The following SLC22A14 variants were observed in gnomAD, a reference collection of about 807,000 sequenced individuals.
SLC22A14 encodes organic cation transporter-like 4.
A neutral mutation model predicts 53.9 loss-of-function variants in SLC22A14; 50 were observed. The ratio of observed to expected loss-of-function variants is 0.93; its 90% CI spans 0.74 to 1.17. SLC22A14 has a LOEUF of 1.17. Among genes scored for constraint, SLC22A14 ranks in the 50% most tolerant of loss-of-function variants. The pLI is 0.00. For missense variants in SLC22A14, 671 were observed against 734.7 expected, an observed-to-expected ratio of 0.91 and a Z score of 1.00; for synonymous variants, 312 against 303.0, an observed-to-expected ratio of 1.03 and a Z score of -0.31.
At chr3:38,278,941 C>T (rs1177471593), upstream of SLC22A14, among the ~76,000 whole-genome samples, 3 of 152,002 alleles carry the variant, frequency 2.0e-5, no homozygotes, top group Admixed American at 2.0e-4. Context: ...CATTGTGTCA[C>T]CAAATGGTAG....
intron 7 of SLC22A14, 36 bp from the exon 8 acceptor site, chr3:38,313,691 C>CGCGCGCGCGCGTGT (rs770295334): frequency 4.4e-5 from 41 of 940,914 alleles, no homozygotes; most frequent in Admixed American, 5.3e-5. Context: ...TGTGTGCGCG[C>CGCGCGCGCGCGTGT]GTGTGCACGC....
In SLC22A14 at chr3:38,316,388, A is replaced by ATC. The variant is rs1704619702; in HGVS notation, c.1598_1599dup (p.Gln535AlafsTer15). 1 of 1,613,998 alleles carries ATC rather than the reference A, an allele frequency of 6.2e-7. No individual in the cohort carries two copies. Among genetic ancestry groups the ATC allele is most frequent in the African/African-American group, 1.3e-5 (1 of 74,898 alleles). ...TGGAGCCATCTTGTCCCTGACAATC[A>ATC]TCAGCCAGACCCCCTCCCTCCTGCC... On this transcript the variant is annotated frameshift_variant, in exon 10 of 11. Transcript: ENST00000448498. LOFTEE classifies it high-confidence loss of function.
intron 1 of SLC22A14, among the ~76,000 whole-genome samples, chr3:38,297,936 A>G (rs1704075892): frequency 1.3e-5 from 2 of 152,186 alleles, no homozygotes; most frequent in South Asian, 4.1e-4. Context: ...TCTTGCCTGT[A>G]ACAATTATAA....
intron 1 of SLC22A14, among the ~76,000 whole-genome samples, chr3:38,300,874 G>A (rs958047774): frequency 8.5e-5 from 13 of 152,122 alleles, no homozygotes; most frequent in Admixed American, 7.2e-4. Flanking sequence ...TAGAGATAAG[G>A]TCTTGCCCAC....
In SLC22A14 at chr3:38,308,960, AG is replaced by A. The variant is rs746899585; in HGVS notation, c.783del (p.Glu261AspfsTer3). 2 of 1,613,952 alleles carry A rather than the reference AG, an allele frequency of 1.2e-6. No individual in the cohort carries two copies. The highest frequency in any genetic ancestry group is 1.7e-6 in the Non-Finnish European group (2 of 1,179,870). ...YAISSISLAT[E>X]WLVGEHRAHA... ...CCTCTTGGCCTCTGCACAGCCACTG[AG>A]TGGTTAGTGGGTGAGCACCGGGCCC... On this transcript the variant is annotated frameshift_variant, in exon 5 of 11. Transcript: ENST00000448498. LOFTEE classifies it high-confidence loss of function.
chr3:38,301,850 G>A (rs1053951407), intron 1 of SLC22A14, among the ~76,000 whole-genome samples: 28 of 150,850 alleles, frequency 1.9e-4, no homozygotes, highest in Non-Finnish European at 3.1e-4. Context: ...TATCAAATGC[G>A]TTTTCTGCAT....
At chr3:38,312,869 C>T in intron 5 of SLC22A14, 130 bp from the exon 6 acceptor site, 5 of 1,231,014 alleles carry the variant, frequency 4.1e-6, no homozygotes, top group Non-Finnish European at 4.6e-6. Flanking sequence ...TCAGTGGTGG[C>T]CTTCAAGGCC....
chr3:38,293,016 A>G (rs2125875260), intron 1 of SLC22A14, among the ~76,000 whole-genome samples: 1 of 152,250 alleles, frequency 6.6e-6, no homozygotes, highest in Non-Finnish European at 1.5e-5. Flanking sequence ...TCCAGGAGAC[A>G]GTTAACCTCC....
chr3:38,287,622 TA>T (rs1270004077), intron 1 of SLC22A14, among the ~76,000 whole-genome samples: 1 of 152,226 alleles, frequency 6.6e-6, no homozygotes, highest in Non-Finnish European at 1.5e-5. Flanking sequence ...CATATAACTT[TA>T]TAATAAAGTT....
rs778458186 is a variant in SLC22A14, at chr3:38,318,298, C to T, written c.*49C>T. On this transcript the variant is annotated 3_prime_UTR_variant, in exon 11 of 11. Transcript: ENST00000448498. ...TCAATGCCCAGATCCTGAGATTGGA[C>T]CCATACCCTGTCTCCAACCCTGCCT... 7.2e-6 allele frequency: 11 copies of T among 1,519,082 alleles called. No homozygotes were observed. Among genetic ancestry groups the T allele is most frequent in the Non-Finnish European group, 1.0e-5 (11 of 1,093,282 alleles). 94.1% of individuals were successfully genotyped at this position (1,519,082 alleles called of 1,614,324 possible). A position where few individuals can be genotyped will look rare whatever the true frequency, so the allele number is the denominator to read the frequency against.
At chr3:38,299,885 A>G (rs1315352524) in intron 1 of SLC22A14, among the ~76,000 whole-genome samples, 1 of 152,212 alleles carries the variant, frequency 6.6e-6, no homozygotes, top group Non-Finnish European at 1.5e-5. Flanking sequence ...AGTGGCTATA[A>G]CACTGTTTAT....
In SLC22A14 at chr3:38,306,487, C is replaced by T; in HGVS notation, c.461C>T (p.Thr154Ile). The T allele has an allele frequency of 6.2e-7, 1 of 1,614,180 alleles. No homozygotes were observed. Among genetic ancestry groups the T allele is most frequent in the Non-Finnish European group, 8.5e-7 (1 of 1,179,998 alleles). ...IIQFGLNDTD[T>I]CQDGWIYPDA... Reference sequence around the variant, plus strand: ...CAGTTTGGCCTCAATGACACAGACACATGCCAAGATGGGTGGATCTATCCT... The same window carrying T: ...CAGTTTGGCCTCAATGACACAGACATATGCCAAGATGGGTGGATCTATCCT... The change falls in exon 2 of 11, where the codon ACA (threonine) becomes ATA (isoleucine). Residue 154 changes from threonine (T) to isoleucine (I), a missense_variant. Physicochemically the swap from Thr to Ile is moderately conservative, Grantham distance 89 (BLOSUM62 -1). Transcript: ENST00000448498.
chr3:38,287,386 A>G (rs1045791417), intron 1 of SLC22A14, among the ~76,000 whole-genome samples: 2 of 152,170 alleles, frequency 1.3e-5, no homozygotes, highest in African/African-American at 4.8e-5. Context: ...TGAAAGTCAG[A>G]AATAGATTCC....
chr3:38,286,479 A>G (rs948941904), intron 1 of SLC22A14, among the ~76,000 whole-genome samples: 2 of 149,510 alleles, frequency 1.3e-5, no homozygotes, highest in African/African-American at 4.9e-5. Flanking sequence ...CAGTGGCACC[A>G]CCTCAGCTCA....
At chr3:38,292,922 T>A (rs1398698757) in intron 1 of SLC22A14, among the ~76,000 whole-genome samples, 1 of 152,182 alleles carries the variant, frequency 6.6e-6, no homozygotes, top group Non-Finnish European at 1.5e-5. Context: ...AGTGACTGGC[T>A]GTCCTAGGAG....
intron 1 of SLC22A14, among the ~76,000 whole-genome samples, chr3:38,291,972 A>G (rs1703922873): frequency 6.6e-6 from 1 of 152,214 alleles, no homozygotes; most frequent in Non-Finnish European, 1.5e-5. Context: ...TGTAGGCTGG[A>G]TACATTCTTC....
rs1575426718 is a variant in SLC22A14, at chr3:38,316,310, A to C, written c.1533-14A>C. ...CGGCAGACCCCTCACAGGAGCTCTC[A>C]CCTCCACTTTCAGGGCGACAGGTCT... On this transcript the variant is annotated splice_polypyrimidine_tract_variant and intron_variant, in intron 9 of 10. Coordinates refer to ENST00000448498, the MANE Select transcript of SLC22A14 (RefSeq NM_001320033.2). 1 of 1,612,748 alleles carries C rather than the reference A, an allele frequency of 6.2e-7. No homozygotes were observed. The highest frequency in any genetic ancestry group is 8.5e-7 in the Non-Finnish European group (1 of 1,179,562).
chr3:38,281,724 GC>G (rs746651073), upstream of SLC22A14, among the ~76,000 whole-genome samples: 139 of 151,944 alleles, frequency 9.1e-4, no homozygotes, highest in Non-Finnish European at 1.8e-3. Context: ...CAAATATTAA[GC>G]CATAGCAATG....
intron 1 of SLC22A14, among the ~76,000 whole-genome samples, chr3:38,301,632 T>C (rs894525139): frequency 6.6e-6 from 1 of 152,204 alleles, no homozygotes; most frequent in African/African-American, 2.4e-5. Context: ...TAATTTCTCT[T>C]TCTTATCTCA....
Sources: allele counts gnomAD v4.1 joint callset (sites outside exome capture counted in the v4.1 genomes callset), GRCh38; gene constraint gnomAD v4.1.1; transcripts MANE v1.5; gene names NCBI Gene and HGNC (gene_info 2026-07-23, HGNC 2026-07-21).